SNTG1: variants seen among roughly 807,000 people sequenced by gnomAD.
The protein encoded by SNTG1 is gamma-1-syntrophin.
SNTG1 carries 39 observed loss-of-function variants against 74.7 expected under a neutral mutation model. The ratio of observed to expected loss-of-function variants is 0.52; its 90% CI spans 0.40 to 0.68. SNTG1 has a LOEUF of 0.68. SNTG1 is among the 30% of genes least tolerant of loss of function. SNTG1 has a pLI of 0.00. For synonymous variants in SNTG1, 254 were observed against 217.1 expected, an observed-to-expected ratio of 1.17 and a Z score of -1.49; for missense variants, 685 against 609.5, an observed-to-expected ratio of 1.12 and a Z score of -1.30.
At chr8:50,119,834 G>A (rs879451237) in intron 1 of SNTG1, among the ~76,000 whole-genome samples, 4 of 141,810 alleles carry the variant, frequency 2.8e-5, no homozygotes, top group Non-Finnish European at 4.7e-5. Context: ...GAATTAATAC[G>A]CTAGAATAAT....
At chr8:50,650,507 C>G (rs964802646) in intron 13 of SNTG1, among the ~76,000 whole-genome samples, 3 of 151,932 alleles carry the variant, frequency 2.0e-5, no homozygotes, top group African/African-American at 7.3e-5. Flanking sequence ...GAGGACCTTA[C>G]AAGAATTTAG....
chr8:50,788,630 G>T (rs1356097187), intron 18 of SNTG1, among the ~76,000 whole-genome samples: 2 of 151,880 alleles, frequency 1.3e-5, no homozygotes, highest in East Asian at 3.9e-4. Context: ...AGCTTTTAAG[G>T]AGCAAGCAGA....
intron 2 of SNTG1, among the ~76,000 whole-genome samples, chr8:50,239,512 G>A (rs1480618991): frequency 2.6e-5 from 4 of 152,126 alleles, no homozygotes; most frequent in Admixed American, 1.3e-4. Flanking sequence ...CTGTCCATGA[G>A]AACAGCATGG....
chr8:50,419,310 G>T (rs1047489425), intron 4 of SNTG1, among the ~76,000 whole-genome samples: 5 of 152,032 alleles, frequency 3.3e-5, no homozygotes, highest in Non-Finnish European at 7.4e-5. Flanking sequence ...ATCTCCAATG[G>T]CAATGGCCAA....
chr8:50,014,412 G>A (rs984569683), intron 1 of SNTG1, among the ~76,000 whole-genome samples: 6 of 151,708 alleles, frequency 4.0e-5, no homozygotes, highest in South Asian at 2.1e-4. Context: ...TTGGGAAAAC[G>A]GAGCCTGGCT....
At chr8:50,645,697 C>T (rs1447899681) in intron 13 of SNTG1, among the ~76,000 whole-genome samples, 3 of 152,144 alleles carry the variant, frequency 2.0e-5, no homozygotes, top group Non-Finnish European at 2.9e-5. Context: ...TTATGAAGGG[C>T]TCGTGGAACA....
intron 15 of SNTG1, among the ~76,000 whole-genome samples, chr8:50,698,574 C>A (rs1392614711): frequency 6.6e-6 from 1 of 152,168 alleles, no homozygotes; most frequent in Non-Finnish European, 1.5e-5. Flanking sequence ...GCTGTGGGAA[C>A]CTCTTCCCTG....
chr8:50,521,909 C>A (rs1438329165), intron 9 of SNTG1, among the ~76,000 whole-genome samples: 1 of 152,082 alleles, frequency 6.6e-6, no homozygotes, highest in Non-Finnish European at 1.5e-5. Context: ...CTTGAGAAGT[C>A]TTGAACTCCT....
At chr8:50,147,384 T>A (rs2081909157) in intron 1 of SNTG1, among the ~76,000 whole-genome samples, 1 of 152,196 alleles carries the variant, frequency 6.6e-6, no homozygotes, top group Admixed American at 6.5e-5. Flanking sequence ...GACTGGTAAC[T>A]GTAAAGTAAG....
intron 18 of SNTG1, among the ~76,000 whole-genome samples, chr8:50,782,325 G>A (rs960381762): frequency 2.0e-5 from 3 of 152,130 alleles, no homozygotes; most frequent in East Asian, 1.9e-4. Context: ...CATTCTCCCC[G>A]TCACTTTCAG....
rs1365246089 is a variant in SNTG1, at chr8:50,670,651, C to A, written c.1038+11988C>A. ...TTTATAGATTCAATGCCATCCCAAT[C>A]AAGCTACCAATGACTTTCTTCAAAG... On this transcript the variant is annotated intron_variant, in intron 15 of 18. Coordinates refer to ENST00000642720, the MANE Select transcript of SNTG1 (RefSeq NM_018967.5). 2.1e-5 allele frequency among the ~76,000 whole-genome samples: 3 copies of A among 140,642 alleles called. 1 individual carries two copies. The highest frequency in any genetic ancestry group is 8.1e-5 in the African/African-American group (3 of 37,084). 92.3% of individuals were successfully genotyped at this position (140,642 alleles called of 152,430 possible).
At chr8:50,591,078 A>G (rs2094688744) in intron 13 of SNTG1, among the ~76,000 whole-genome samples, 161 bp downstream of exon 13, 1 of 152,130 alleles carries the variant, frequency 6.6e-6, no homozygotes, top group Admixed American at 6.6e-5. Flanking sequence ...CATATTATGT[A>G]ATATATTGGT....
At chr8:49,981,373 T>C (rs749898717) in intron 1 of SNTG1, among the ~76,000 whole-genome samples, 12 of 152,174 alleles carry the variant, frequency 7.9e-5, no homozygotes, top group Admixed American at 1.3e-4. Flanking sequence ...TCAGAAATTT[T>C]ACCCATGGTT....
intron 2 of SNTG1, among the ~76,000 whole-genome samples, chr8:50,360,142 C>T (rs1389057950): frequency 6.6e-6 from 1 of 152,044 alleles, no homozygotes; most frequent in Non-Finnish European, 1.5e-5. Context: ...GATAGATCAT[C>T]ATCACTACAA....
At chr8:50,194,415 G>A (rs2083688877) in intron 2 of SNTG1, among the ~76,000 whole-genome samples, 1 of 151,946 alleles carries the variant, frequency 6.6e-6, no homozygotes, top group Non-Finnish European at 1.5e-5. Context: ...ATTTTTCCAG[G>A]AATTACTCAT....
chr8:50,497,033 CATTA>C (rs1174878281), intron 8 of SNTG1, among the ~76,000 whole-genome samples: 1 of 150,348 alleles, frequency 6.7e-6, no homozygotes, highest in Non-Finnish European at 1.5e-5. Flanking sequence ...AATAAGCCTG[CATTA>C]ATTAAGAAAT....
chr8:50,537,646 C>A (rs1232586350), intron 11 of SNTG1, among the ~76,000 whole-genome samples: 1 of 151,844 alleles, frequency 6.6e-6, no homozygotes, highest in South Asian at 2.1e-4. Flanking sequence ...TGATTGTTTC[C>A]ATTTCTTAAG....
intron 8 of SNTG1, among the ~76,000 whole-genome samples, chr8:50,468,605 A>G (rs1377079948): frequency 6.6e-6 from 1 of 152,136 alleles, no homozygotes; most frequent in Non-Finnish European, 1.5e-5. Flanking sequence ...TTTTGGTTGC[A>G]ATATTTATAC....
chr8:50,473,250 T>G (rs1449161464), intron 8 of SNTG1, among the ~76,000 whole-genome samples: 2 of 152,170 alleles, frequency 1.3e-5, no homozygotes, highest in African/African-American at 4.8e-5. Context: ...TTGGCACTTC[T>G]CCTTCCTGCT....
Sources: gnomAD v4.1 joint callset for allele counts (sites outside exome capture counted in the v4.1 genomes callset) on GRCh38, gnomAD v4.1.1 for gene constraint, MANE v1.5 for transcripts, NCBI Gene and HGNC (gene_info 2026-07-23, HGNC 2026-07-21) for gene names.